Variants in STK33 observed in about 807,000 individuals in gnomAD.
The protein encoded by STK33 is serine/threonine kinase 33, also known as serine/threonine-protein kinase 33.
A neutral mutation model predicts 58.0 loss-of-function variants in STK33; 52 were observed. The ratio of observed to expected loss-of-function variants is 0.90; its 90% confidence interval spans 0.72 to 1.13. The LOEUF (loss-of-function observed/expected upper bound fraction) is 1.13. Ranked by LOEUF, STK33 falls within the 50% of genes most tolerant of loss-of-function variation. STK33 has a pLI of 0.00. For missense variants in STK33, 630 were observed against 604.2 expected (o/e 1.04, Z -0.45); for synonymous variants, 215 against 200.1 (o/e 1.07, Z -0.63).
chr11:8,593,904 G>C (rs564394186), intron 1 of STK33, 179 bp downstream of exon 1: 1 of 152,386 alleles, frequency 6.6e-6, no homozygotes, highest in Non-Finnish European at 1.5e-5. Context: ...ACACTCGGAG[G>C]GGTCCGCGGG....
At chr11:8,338,556 C>T in the STK33 span, among the ~76,000 whole-genome samples, 1 of 152,176 alleles carries the variant, frequency 6.6e-6, no homozygotes, top group Non-Finnish European at 1.5e-5. Context: ...AGGGTGGAAC[C>T]ACCTCTGGGG....
intron 15 of STK33, among the ~76,000 whole-genome samples, chr11:8,398,527 T>A (rs1489695346): frequency 6.6e-6 from 1 of 152,018 alleles, no homozygotes; most frequent in Non-Finnish European, 1.5e-5. Context: ...GTAAAGACCA[T>A]CAAGGCTAGG....
intron 15 of STK33, among the ~76,000 whole-genome samples, chr11:8,401,415 T>C (rs1439249424): frequency 1.3e-5 from 2 of 152,114 alleles, no homozygotes; most frequent in Non-Finnish European, 2.9e-5. Flanking sequence ...TGGTTAGCCA[T>C]ATGTAGAAAG....
intron 7 of STK33, among the ~76,000 whole-genome samples, chr11:8,462,409 A>G (rs1947639311): frequency 6.9e-6 from 1 of 145,386 alleles, no homozygotes. Context: ...ATACATATAT[A>G]TACACACACA....
chr11:8,571,353 G>A (rs984785018), intron 1 of STK33, among the ~76,000 whole-genome samples: 1 of 152,134 alleles, frequency 6.6e-6, no homozygotes. Context: ...GAAATATCTA[G>A]AATAAGCAAA....
intron 1 of STK33, among the ~76,000 whole-genome samples, chr11:8,563,836 T>C (rs1359532791): frequency 6.6e-6 from 1 of 152,068 alleles, no homozygotes; most frequent in African/African-American, 2.4e-5. Flanking sequence ...AGCAATCAGT[T>C]GGCCAGGGAA....
intron 1 of STK33, among the ~76,000 whole-genome samples, chr11:8,500,975 G>A (rs901040553): frequency 1.3e-5 from 2 of 150,572 alleles, no homozygotes; most frequent in African/African-American, 4.9e-5. Flanking sequence ...ATGGTGCTGG[G>A]ATAACTGGAT....
the STK33 span, among the ~76,000 whole-genome samples, chr11:8,370,466 A>C: frequency 1.5e-3 from 232 of 152,226 alleles, no homozygotes; most frequent in African/African-American, 5.3e-3. Context: ...AAAAATGCTG[A>C]GATTACAGGC....
intron 1 of STK33, among the ~76,000 whole-genome samples, chr11:8,526,636 C>T (rs35091649): frequency 1.3e-4 from 19 of 151,642 alleles, no homozygotes; most frequent in Non-Finnish European, 1.5e-4. Flanking sequence ...TGGATGAATA[C>T]GATGGTATAT....
At position 8,474,097 on chromosome 11, in the gene STK33, C is replaced by A. The variant is rs562144052; in HGVS notation, c.225+584G>T. On this transcript the variant is annotated intron_variant, in intron 5 of 15. Transcript: ENST00000687296. ...GGTTGAGCTAGGAAAATCACTTGAA[C>A]CTAGGAGGCAGAGGTTGTGATGAGC... 2.0e-5 allele frequency among the ~76,000 whole-genome samples: 3 copies of A among 152,096 alleles called. No homozygotes were observed. In the East Asian group the frequency reaches 5.8e-4, roughly 29 times the overall value.
chr11:8,591,488 T>C (rs185566962), intron 1 of STK33, among the ~76,000 whole-genome samples: 10 of 152,244 alleles, frequency 6.6e-5, no homozygotes, highest in Admixed American at 2.6e-4. Context: ...CCATCATAAA[T>C]GAAAGGGCAA....
At chr11:8,441,541 G>C (rs1944745991) in intron 11 of STK33, among the ~76,000 whole-genome samples, 1 of 152,012 alleles carries the variant, frequency 6.6e-6, no homozygotes, top group African/African-American at 2.4e-5. Context: ...AATTATTTTA[G>C]AGATGGGGTC....
At chr11:8,373,721 G>A in the STK33 span, among the ~76,000 whole-genome samples, 1 of 152,184 alleles carries the variant, frequency 6.6e-6, no homozygotes, top group Non-Finnish European at 1.5e-5. Context: ...CCCAGTGATT[G>A]AGGCCCAGGC....
intron 1 of STK33, among the ~76,000 whole-genome samples, chr11:8,545,526 G>T (rs976871760): frequency 6.6e-6 from 1 of 152,136 alleles, no homozygotes; most frequent in Non-Finnish European, 1.5e-5. Context: ...GAATGCGTTT[G>T]TTTAAAGATT....
the STK33 span, among the ~76,000 whole-genome samples, chr11:8,356,335 G>A: frequency 1.3e-4 from 20 of 152,188 alleles, no homozygotes; most frequent in Non-Finnish European, 1.6e-4. Flanking sequence ...GTGGCACTGG[G>A]CCTTAGGGGA....
rs76991575 is a variant in STK33 at position 8,403,957 on chromosome 11, C to T, written c.1344+9538G>A. On this transcript the variant is annotated intron_variant, in intron 15 of 15. Coordinates refer to ENST00000687296, the MANE Select transcript of STK33 (RefSeq NM_001352389.2). The stretch of plus-strand genomic sequence containing the variant: ...CTCTGAATTTTGAGTAAAATACATG[C>T]TATTTAAGTAAAGTGGTTTATCACC... Among the ~76,000 whole-genome samples, 936 of 152,300 alleles carry T rather than the reference C, an allele frequency of 6.1e-3. 4 individuals are homozygous for T. The highest frequency in any genetic ancestry group is 9.6e-3 in the Admixed American group (147 of 15,294).
At chr11:8,390,809 G>A (rs1481935461), downstream of STK33, among the ~76,000 whole-genome samples, 1 of 152,184 alleles carries the variant, frequency 6.6e-6, no homozygotes, top group Non-Finnish European at 1.5e-5. Flanking sequence ...CAAGCTTACT[G>A]AGCAGAATCG....
intron 15 of STK33, among the ~76,000 whole-genome samples, chr11:8,403,892 G>A (rs1369487412): frequency 6.6e-6 from 1 of 152,194 alleles, no homozygotes; most frequent in East Asian, 1.9e-4. Flanking sequence ...ATCCCTGCCA[G>A]TTAATACCAG....
intron 14 of STK33, among the ~76,000 whole-genome samples, chr11:8,425,477 T>C (rs2136009280): frequency 6.6e-6 from 1 of 152,324 alleles, no homozygotes; most frequent in East Asian, 1.9e-4. Context: ...GGGCTGTTTT[T>C]TGGTTTCATA....
Sources: gnomAD v4.1 joint callset for allele counts (sites outside exome capture counted in the v4.1 genomes callset) on GRCh38, gnomAD v4.1.1 for gene constraint, MANE v1.5 for transcripts, NCBI Gene and HGNC (gene_info 2026-07-23, HGNC 2026-07-21) for gene names.